EHMT2: variants seen among roughly 807,000 people sequenced by gnomAD.
EHMT2 encodes histone-lysine N-methyltransferase EHMT2.
A neutral mutation model predicts 143.3 loss-of-function variants in EHMT2; 59 were observed. That is an observed-to-expected ratio of 0.41 (90% CI 0.33 to 0.51). The LOEUF (loss-of-function observed/expected upper bound fraction) is 0.51. Ranked by LOEUF, EHMT2 falls within the 20% of genes least tolerant of loss-of-function variation. The pLI, the probability that EHMT2 is intolerant of heterozygous loss-of-function variation, is 0.18. For synonymous variants in EHMT2, 604 were observed against 651.5 expected (o/e 0.93, Z 1.11); for missense variants, 1,174 against 1,645.9 (o/e 0.71, Z 4.96).
exon 3 of EHMT2, chr6:31,896,736 A>G (rs747756210): frequency 1.2e-6 from 2 of 1,612,928 alleles, no homozygotes; most frequent in South Asian, 2.2e-5. Flanking sequence ...CAGAGGCTGG[A>G]GATGAGGGGC....
intron 24 of EHMT2, 22 bp from the exon 25 acceptor site, chr6:31,882,807 C>G (rs1191523633): frequency 1.2e-6 from 2 of 1,612,198 alleles, no homozygotes; most frequent in Non-Finnish European, 1.7e-6. Flanking sequence ...AGAGATGGCG[C>G]TGTTGGGTGG....
exon 28 of EHMT2, chr6:31,879,839 A>G (rs1028152215): frequency 1.3e-5 from 7 of 534,608 alleles, no homozygotes; most frequent in Admixed American, 3.1e-5. Context: ...TCAAACTTCA[A>G]CTGAGGATGG....
intron 1 of EHMT2, 119 bp from the exon 2 acceptor site, chr6:31,897,108 G>C (rs1278971740): frequency 7.0e-7 from 1 of 1,435,436 alleles, no homozygotes; most frequent in Non-Finnish European, 9.1e-7. Context: ...TCCTCTGTGG[G>C]GCCCCCCCCT....
At position 31,888,820 on chromosome 6, in the gene EHMT2, A is replaced by C. The variant is rs2151628556; in HGVS notation, c.1217-73T>G. 3 of 1,564,008 alleles carry C rather than the reference A, an allele frequency of 1.9e-6. No individual in the cohort carries two copies. The highest frequency in any genetic ancestry group is 2.3e-5 in the East Asian group (1 of 43,986). ...ACTGGGACCCCTGGCGGGTCCTCTC[A>C]CTCCCTCCCTACCCCACCCCGCCAT... is the stretch of plus-strand genomic sequence containing the variant. On this transcript the variant is annotated intron_variant, in intron 10 of 27. Transcript: ENST00000375537. This position sits in a 1 kb window ranked among gnomAD's most constrained non-coding sequence, Gnocchi z 7.4.
chr6:31,886,765 G>A lies in EHMT2; in HGVS notation c.2241+10C>T, dbSNP rs956752292. Reference sequence around the variant, plus strand: ...CTCCGGGGGCCACGCCCTGCTGCCTGCGCGCACACCTTGCTATAGACACAG... The same window carrying A: ...CTCCGGGGGCCACGCCCTGCTGCCTACGCGCACACCTTGCTATAGACACAG... On this transcript the variant is annotated intron_variant, in intron 17 of 27. Coordinates refer to ENST00000375537, the Ensembl canonical transcript of EHMT2. 6.8e-6 allele frequency: 11 copies of A among 1,614,068 alleles called. No individual in the cohort carries two copies. The African/African-American group carries it at 1.2e-4, about 18-fold the overall frequency.
At chr6:31,886,133 A>C (rs1764817244) in intron 18 of EHMT2, 1 of 161,762 alleles carries the variant, frequency 6.2e-6, no homozygotes, top group South Asian at 1.9e-4. Context: ...AGTTTCTTAG[A>C]GAAATGGTGG....
At chr6:31,896,380 T>C in exon 4 of EHMT2, 1 of 1,613,034 alleles carries the variant, frequency 6.2e-7, no homozygotes, top group Non-Finnish European at 8.5e-7. Context: ...CCTGGGCTCC[T>C]GGCATACTCA....
intron 7 of EHMT2, among the ~76,000 whole-genome samples, chr6:31,891,513 G>T (rs1765682227): frequency 2.0e-5 from 3 of 152,228 alleles, no homozygotes; most frequent in Non-Finnish European, 2.9e-5. Flanking sequence ...AGGTGTGTGT[G>T]CTGGGAGATG....
At chr6:31,896,845 T>C (rs763286069) in intron 2 of EHMT2, 21 bp from the exon 3 acceptor site, 1 of 1,612,504 alleles carries the variant, frequency 6.2e-7, no homozygotes, top group Non-Finnish European at 8.5e-7. Flanking sequence ...AGAGAAAAAG[T>C]TCAGAGCTAA....
intron 4 of EHMT2, among the ~76,000 whole-genome samples, chr6:31,894,128 C>G (rs1391114798): frequency 2.0e-5 from 3 of 151,898 alleles, no homozygotes; most frequent in African/African-American, 7.2e-5. Flanking sequence ...GCACATGCCA[C>G]CACGCCCGGC....
intron 7 of EHMT2, among the ~76,000 whole-genome samples, chr6:31,891,315 A>G (rs1003087828): frequency 5.9e-5 from 9 of 152,038 alleles, no homozygotes; most frequent in African/African-American, 2.2e-4. Flanking sequence ...CATTTGTGAG[A>G]GCTGAGGAAA....
Position 31,882,050 on chromosome 6 carries a change from A to C in EHMT2, c.3197+649T>G, listed in dbSNP as rs375222203. Among the ~76,000 whole-genome samples, 29 of 151,766 alleles carry C rather than the reference A, an allele frequency of 1.9e-4. 1 individual carries two copies. Among genetic ancestry groups the C allele is most frequent in the Admixed American group, 6.6e-4 (10 of 15,206 alleles). ...AACCTGGGAGGTGGAGACTGCAGTG[A>C]GCCAAGATTGTGCCATTGCACTCCA... On this transcript the variant is annotated intron_variant, in intron 25 of 27. Coordinates refer to ENST00000375537, the Ensembl canonical transcript of EHMT2.
Position 31,880,769 on chromosome 6 carries a change from ATGT to A in EHMT2, c.3353_3355del (p.Asn1118del), listed in dbSNP as rs764671667. The A allele has an allele frequency of 1.2e-6, 2 of 1,613,896 alleles. No homozygotes were observed. Among genetic ancestry groups the A allele is most frequent in the Admixed American group, 1.7e-5 (1 of 60,010 alleles). On this transcript the variant is annotated inframe_deletion, in exon 27 of 28. Transcript: ENST00000375537. This position sits in a 1 kb window ranked among gnomAD's most constrained non-coding sequence, Gnocchi z 6.6. Reference sequence around the variant, plus strand: ...CAGCATGAAGACCCGGACGGGAATGATGTTGGGGTCACACAGGTGGTTGATGAA... The same window carrying A: ...CAGCATGAAGACCCGGACGGGAATGATGGGGTCACACAGGTGGTTGATGAA...
chr6:31,884,663 C>G lies in EHMT2; in HGVS notation c.2585G>C (p.Ser862Thr). ...GGCTCACAGCACGCAGTCATGGTAG[C>G]TCTCCCGAGCTGCGATGTGCAGGGG... The change falls in exon 20 of 28, where the codon AGC (serine) becomes ACC (threonine). Residue 862 changes from serine (S) to threonine (T), a missense_variant. By Grantham distance (58) the Ser-to-Thr change is moderately conservative. Around this residue, in one of 6 missense-constraint regions of EHMT2, gnomAD observed 608 missense variants for 903.7 expected, o/e 0.67. Transcript: ENST00000375537. The surrounding 1 kb of genome is among the most constrained non-coding windows in gnomAD (Gnocchi z 7.3). 6.3e-7 allele frequency: 1 copy of G among 1,580,908 alleles called. No individual in the cohort carries two copies. The highest frequency in any genetic ancestry group is 8.6e-7 in the Non-Finnish European group (1 of 1,160,142).
At chr6:31,897,322 C>T in intron 1 of EHMT2, 1 of 524,962 alleles carries the variant, frequency 1.9e-6, no homozygotes, top group Non-Finnish European at 2.9e-6. Flanking sequence ...GGACCCCGGG[C>T]ACCAACCCCT....
chr6:31,888,368 T>C lies in EHMT2; in HGVS notation c.1504A>G (p.Thr502Ala). Residue 502 changes from threonine to alanine, a missense_variant, in exon 12 of 28, where the codon ACG becomes GCG. Thr to Ala is a moderately conservative substitution (Grantham distance 58). Transcript: ENST00000375537. The surrounding 1 kb of genome is among the most constrained non-coding windows in gnomAD (Gnocchi z 7.4). Reference sequence around the variant, plus strand: ...CTGCCCCACTGGTCACTCACCGCCGTGCAGAAGTAGCCGCAGCCCGGGCAG... The same window carrying C: ...CTGCCCCACTGGTCACTCACCGCCGCGCAGAAGTAGCCGCAGCCCGGGCAG... The C allele has an allele frequency of 6.2e-7, 1 of 1,612,678 alleles. No homozygotes were observed. The highest frequency in any genetic ancestry group is 8.5e-7 in the Non-Finnish European group (1 of 1,179,864).
Position 31,887,669 on chromosome 6 carries a change from G to A in EHMT2, c.1929-10C>T. ...ACGGAGCTTCTTCCGCCTGCCAAGG[G>A]AGCACGGGAGCGGGGAGAGAAGGGG... On this transcript the variant is annotated splice_polypyrimidine_tract_variant and intron_variant, in intron 14 of 27. Coordinates refer to ENST00000375537, the Ensembl canonical transcript of EHMT2. The A allele has an allele frequency of 6.2e-7, 1 of 1,612,594 alleles. No homozygotes were observed. The highest frequency in any genetic ancestry group is 2.2e-5 in the East Asian group (1 of 44,888).
In EHMT2 at chr6:31,885,244, G is replaced by A. The variant is rs1236958765; in HGVS notation, c.2344-228C>T. 8 of 472,052 alleles carry A rather than the reference G, an allele frequency of 1.7e-5. No homozygotes were observed. In the South Asian group the frequency reaches 1.9e-4, roughly 11 times the overall value. 29.2% of individuals were successfully genotyped at this position (472,052 alleles called of 1,614,324 possible). ...TGTAATCCCAGCACTTTGGGAGGCC[G>A]AGGCGGGCGGATCACGAGGTCAGGA... On this transcript the variant is annotated intron_variant, in intron 18 of 27. Transcript: ENST00000375537.
chr6:31,892,356 C>A, intron 7 of EHMT2, 51 bp downstream of exon 7: 1 of 1,594,340 alleles, frequency 6.3e-7, no homozygotes, highest in Non-Finnish European at 8.6e-7. Flanking sequence ...GGACAGTGAG[C>A]CCCAGCCCTG....
Sources: gnomAD v4.1 joint callset for allele counts (sites outside exome capture counted in the v4.1 genomes callset) on GRCh38, gnomAD v4.1.1 for gene constraint, gnomAD v4.1.1 regional missense constraint, Gnocchi (gnomAD v3.1) non-coding constraint, MANE v1.5 for transcripts, NCBI Gene and HGNC (gene_info 2026-07-23, HGNC 2026-07-21) for gene names.